Variants in ADAMTS6 observed in about 807,000 individuals in gnomAD.
The protein encoded by ADAMTS6 is A disintegrin and metalloproteinase with thrombospondin motifs 6.
In ADAMTS6, 23 loss-of-function variants were observed where a neutral mutation model predicts 144.3. That is an observed-to-expected ratio of 0.16 (90% CI 0.11 to 0.23). The LOEUF is 0.23. Ranked by LOEUF, ADAMTS6 falls within the 10% of genes least tolerant of loss-of-function variation. The probability of loss-of-function intolerance (pLI) is 1.00; values close to 1 mark genes in which losing one functional copy is unlikely to be tolerated. For synonymous variants in ADAMTS6, 444 were observed against 457.5 expected, an observed-to-expected ratio of 0.97 and a Z score of 0.38; for missense variants, 999 against 1,379.6, an observed-to-expected ratio of 0.72 and a Z score of 4.37.
At chr5:65,338,528 T>G (rs566772112) in intron 7 of ADAMTS6, among the ~76,000 whole-genome samples, 1 of 152,354 alleles carries the variant, frequency 6.6e-6, no homozygotes, top group African/African-American at 2.4e-5. Flanking sequence ...ATCTCCAAAA[T>G]ATAGCGTTAC....
intron 18 of ADAMTS6, among the ~76,000 whole-genome samples, chr5:65,221,696 G>A (rs553222422): frequency 1.8e-4 from 27 of 152,250 alleles, no homozygotes; most frequent in Non-Finnish European, 3.2e-4. Context: ...AAAGATAGAA[G>A]TAAAAGTGCC....
rs556206263 is a variant in ADAMTS6, at chr5:65,467,290, A to G, written c.462+3488T>C. Among the ~76,000 whole-genome samples, 13 of 152,092 alleles carry G rather than the reference A, an allele frequency of 8.5e-5. 1 individual carries two copies. The South Asian group carries it at 2.5e-3, about 29-fold the overall frequency. Reference sequence around the variant, plus strand: ...AATTAAGAAGATAAAATTATTAAGGAAATAATTTTTTTAATTTCTCTAAGC... The same window carrying G: ...AATTAAGAAGATAAAATTATTAAGGGAATAATTTTTTTAATTTCTCTAAGC... On this transcript the variant is annotated intron_variant, in intron 3 of 24. Transcript: ENST00000381055.
At chr5:65,455,351 G>A (rs1419733195) in intron 4 of ADAMTS6, among the ~76,000 whole-genome samples, 2 of 152,140 alleles carry the variant, frequency 1.3e-5, no homozygotes, top group Admixed American at 6.6e-5. Flanking sequence ...AGGCCAGCCT[G>A]GTCAACATGG....
chr5:65,170,551 C>G, intron 24 of ADAMTS6, 66 bp downstream of exon 24: 6 of 1,568,982 alleles, frequency 3.8e-6, no homozygotes, highest in Non-Finnish European at 5.2e-6. Context: ...CTGTGCTCTT[C>G]AGACCCTGGG....
At chr5:65,343,022 C>A (rs1025767287) in intron 7 of ADAMTS6, among the ~76,000 whole-genome samples, 2 of 151,974 alleles carry the variant, frequency 1.3e-5, no homozygotes, top group African/African-American at 2.4e-5. Context: ...AGGACAACTA[C>A]AAAACACTGA....
At chr5:65,478,359 A>G (rs1191278679) in intron 1 of ADAMTS6, among the ~76,000 whole-genome samples, 1 of 152,202 alleles carries the variant, frequency 6.6e-6, no homozygotes, top group Non-Finnish European at 1.5e-5. Flanking sequence ...AAAAATCACA[A>G]TGCATTGACC....
At chr5:65,361,493 C>T (rs146803894) in intron 7 of ADAMTS6, among the ~76,000 whole-genome samples, 19 of 152,204 alleles carry the variant, frequency 1.2e-4, no homozygotes, top group African/African-American at 4.3e-4. Flanking sequence ...TCTACACCAC[C>T]GCAACTAACA....
intron 9 of ADAMTS6, among the ~76,000 whole-genome samples, chr5:65,302,517 A>G (rs1164519658): frequency 1.3e-5 from 2 of 151,886 alleles, no homozygotes; most frequent in Non-Finnish European, 2.9e-5. Flanking sequence ...GCCCTAAATT[A>G]AAACATCAAA....
At chr5:65,468,986 CCT>C (rs147238825) in intron 3 of ADAMTS6, among the ~76,000 whole-genome samples, 6,935 of 152,310 alleles carry the variant, frequency 0.046, 195 homozygotes, top group Non-Finnish European at 0.068. Context: ...ATCCAGCTCT[CCT>C]CTGACATTCG....
chr5:65,196,302 C>T (rs546265886), intron 21 of ADAMTS6, among the ~76,000 whole-genome samples: 3 of 151,764 alleles, frequency 2.0e-5, no homozygotes, highest in Non-Finnish European at 2.9e-5. Context: ...TTTGGGAGGC[C>T]GAGGCGGGCG....
chr5:65,200,566 C>A (rs1044624883), intron 20 of ADAMTS6, among the ~76,000 whole-genome samples: 2 of 152,110 alleles, frequency 1.3e-5, no homozygotes, highest in Non-Finnish European at 2.9e-5. Context: ...GTCCACATGA[C>A]CAGTCAGTGT....
intron 24 of ADAMTS6, among the ~76,000 whole-genome samples, chr5:65,162,915 G>C (rs1180823909): frequency 1.3e-5 from 2 of 151,896 alleles, no homozygotes; most frequent in African/African-American, 2.4e-5. Flanking sequence ...TTTTGTTTTG[G>C]GGGGGTTTTT....
At chr5:65,202,702 G>C (rs1755813330) in intron 20 of ADAMTS6, among the ~76,000 whole-genome samples, 1 of 152,144 alleles carries the variant, frequency 6.6e-6, no homozygotes, top group African/African-American at 2.4e-5. Context: ...CTGATCTGAA[G>C]AACTCTTTTC....
At chr5:65,187,240 G>A (rs901335225) in intron 22 of ADAMTS6, among the ~76,000 whole-genome samples, 2 of 152,080 alleles carry the variant, frequency 1.3e-5, no homozygotes, top group African/African-American at 4.8e-5. Flanking sequence ...GTATGCATAC[G>A]TATCTGTCTC....
chr5:65,306,802 A>G (rs982939667), intron 9 of ADAMTS6, among the ~76,000 whole-genome samples: 4 of 152,174 alleles, frequency 2.6e-5, no homozygotes, highest in Non-Finnish European at 4.4e-5. Context: ...ATCTTTTTAT[A>G]CGCTTATTGA....
chr5:65,164,464 G>A (rs1468330195), intron 24 of ADAMTS6, among the ~76,000 whole-genome samples: 3,677 of 143,316 alleles, frequency 0.026, 149 homozygotes, highest in African/African-American at 0.09. Flanking sequence ...AGGGGCGCCC[G>A]CCATTGCCCA....
intron 3 of ADAMTS6, among the ~76,000 whole-genome samples, chr5:65,466,916 C>A (rs903206564): frequency 6.6e-6 from 1 of 151,794 alleles, no homozygotes; most frequent in South Asian, 2.1e-4. Context: ...GTGGCGGGAG[C>A]CTGTAGTCCC....
At chr5:65,429,793 T>C (rs1756850538) in intron 7 of ADAMTS6, among the ~76,000 whole-genome samples, 1 of 152,122 alleles carries the variant, frequency 6.6e-6, no homozygotes, top group Non-Finnish European at 1.5e-5. Flanking sequence ...ATATCTGATA[T>C]AGAAAATATG....
rs1438488493 is a variant in ADAMTS6 at position 65,398,729 on chromosome 5, G to A, written c.1073+52746C>T. Among the ~76,000 whole-genome samples, 249 of 149,492 alleles carry A rather than the reference G, an allele frequency of 1.7e-3. 2 individuals are homozygous for A. Among genetic ancestry groups the A allele is most frequent in the African/African-American group, 6.1e-3 (243 of 39,934 alleles). On this transcript the variant is annotated intron_variant, in intron 7 of 24. Coordinates refer to ENST00000381055, the MANE Select transcript of ADAMTS6 (RefSeq NM_197941.4). Reference sequence around the variant, plus strand: ...TCTGTCAGAAAGAGAGAAAGAGAGAGAGAGAGAAAGAGAGATAAAGAGAGA... The same window carrying A: ...TCTGTCAGAAAGAGAGAAAGAGAGAAAGAGAGAAAGAGAGATAAAGAGAGA...
Sources: gnomAD v4.1 joint callset for allele counts (sites outside exome capture counted in the v4.1 genomes callset) on GRCh38, gnomAD v4.1.1 for gene constraint, MANE v1.5 for transcripts, NCBI Gene and HGNC (gene_info 2026-07-23, HGNC 2026-07-21) for gene names.